The following LRRFIP1 variants were observed in gnomAD, a reference collection of about 807,000 sequenced individuals.
LRRFIP1 encodes the protein leucine-rich repeat flightless-interacting protein 1.
In LRRFIP1, 62 loss-of-function variants were observed where a neutral mutation model predicts 104.4. The ratio of observed to expected loss-of-function variants is 0.59; its 90% confidence interval spans 0.48 to 0.73. The LOEUF (loss-of-function observed/expected upper bound fraction) is 0.73. LRRFIP1 is among the 30% of genes least tolerant of loss of function. LRRFIP1 has a pLI of 0.00. For missense variants in LRRFIP1, 796 were observed against 824.5 expected, an observed-to-expected ratio of 0.97 and a Z score of 0.42; for synonymous variants, 300 against 299.0, an observed-to-expected ratio of 1.00 and a Z score of -0.03.
chr2:237,687,017 G>T (rs919106460), intron 1 of LRRFIP1, among the ~76,000 whole-genome samples: 2 of 152,230 alleles, frequency 1.3e-5, no homozygotes, highest in Non-Finnish European at 2.9e-5. Flanking sequence ...TTGAGTCCAC[G>T]TGATGACTTT....
chr2:237,714,337 TG>T (rs1199857580), intron 3 of LRRFIP1, 61 bp downstream of exon 3: 2 of 1,369,354 alleles, frequency 1.5e-6, no homozygotes, highest in African/African-American at 1.5e-5. Context: ...GCCAAGGGCC[TG>T]GTCACCTTTC....
At chr2:237,756,035 G>A (rs1176436827) in intron 15 of LRRFIP1, 60 bp from the exon 16 acceptor site, 1 of 1,132,704 alleles carries the variant, frequency 8.8e-7, no homozygotes, top group Non-Finnish European at 1.3e-6. Context: ...GTGAGAGCCT[G>A]AACTGGCATG....
chr2:237,773,599 C>T (rs1352312051), intron 22 of LRRFIP1, among the ~76,000 whole-genome samples: 4 of 152,108 alleles, frequency 2.6e-5, no homozygotes, highest in Admixed American at 2.0e-4. Context: ...CATACTGGGA[C>T]GTCCCTCTTG....
intron 1 of LRRFIP1, among the ~76,000 whole-genome samples, chr2:237,678,604 C>T (rs755991103): frequency 6.6e-6 from 1 of 152,070 alleles, no homozygotes; most frequent in Non-Finnish European, 1.5e-5. Flanking sequence ...TTCCCAGGTT[C>T]AAGCAATTCT....
chr2:237,734,952 A>C lies in LRRFIP1; in HGVS notation c.490-316A>C, dbSNP rs778396379. 1.4e-4 allele frequency among the ~76,000 whole-genome samples: 21 copies of C among 152,236 alleles called. 1 individual carries two copies. Among genetic ancestry groups the C allele is most frequent in the Non-Finnish European group, 1.9e-4 (13 of 68,042 alleles). On this transcript the variant is annotated intron_variant, in intron 9 of 23. Transcript: ENST00000308482. Reference sequence around the variant, plus strand: ...TGACAAAATTCAGGATGTTCGAATTATCTGCTCATTTTAACCTGGATTAAC... The same window carrying C: ...TGACAAAATTCAGGATGTTCGAATTCTCTGCTCATTTTAACCTGGATTAAC...
At position 237,708,083 on chromosome 2, in the gene LRRFIP1, G is replaced by A. The variant is rs1338559023; in HGVS notation, c.97-461G>A. On this transcript the variant is annotated intron_variant, in intron 1 of 23. Transcript: ENST00000308482. ...TCACTTTCTGCTCTGTAAAGCGAGG[G>A]GTTGAACTGGAAACCTGGAGTAGCA... is the stretch of plus-strand genomic sequence containing the variant. 2.6e-5 allele frequency among the ~76,000 whole-genome samples: 4 copies of A among 152,310 alleles called. No individual in the cohort carries two copies. In the East Asian group the frequency reaches 5.8e-4, roughly 22 times the overall value.
chr2:237,696,114 C>T (rs1182445782), intron 1 of LRRFIP1, among the ~76,000 whole-genome samples: 1 of 152,146 alleles, frequency 6.6e-6, no homozygotes, highest in Non-Finnish European at 1.5e-5. Flanking sequence ...AAGTAGTTTT[C>T]CCTTGAATCT....
rs892999493 is a variant in LRRFIP1, at chr2:237,714,267, G to C, written c.192G>C (p.Gln64His). 28 of 1,599,084 alleles carry C rather than the reference G, an allele frequency of 1.8e-5. No homozygotes were observed. The highest frequency in any genetic ancestry group is 2.7e-5 in the African/African-American group (2 of 74,168). ...TCTGTCCTTCTCTATAGATCTATCAGGTCCAAAAGGTAGGCTCTTCTTTCT... is the reference window on the plus strand; with the variant it reads ...TCTGTCCTTCTCTATAGATCTATCACGTCCAAAAGGTAGGCTCTTCTTTCT... ...ELERQQKEIYQVQKKYYGLDT... is the reference protein window; with the variant it reads ...ELERQQKEIYHVQKKYYGLDT... The change falls in exon 3 of 24, where the codon CAG (glutamine) becomes CAC (histidine). Residue 64 changes from glutamine to histidine, a missense_variant. Gln to His is a conservative substitution (Grantham distance 24). Transcript: ENST00000308482.
At chr2:237,775,963 T>G (rs62196064) in intron 23 of LRRFIP1, among the ~76,000 whole-genome samples, 7,782 of 152,018 alleles carry the variant, frequency 0.051, 223 homozygotes, top group Middle Eastern at 0.16. Flanking sequence ...TATTTGATTT[T>G]ATTTTATTTA....
chr2:237,772,296 C>T (rs2060710488), intron 21 of LRRFIP1, 98 bp downstream of exon 21: 1 of 844,418 alleles, frequency 1.2e-6, no homozygotes, highest in Non-Finnish European at 1.9e-6. Flanking sequence ...AGAATGCCCT[C>T]ATTCCCTCAC....
At chr2:237,758,606 C>A in intron 17 of LRRFIP1, 123 bp from the exon 18 acceptor site, 1 of 648,338 alleles carries the variant, frequency 1.5e-6, no homozygotes, top group Non-Finnish European at 2.7e-6. Flanking sequence ...GGCAGAGTCT[C>A]TTTAATGTCT....
chr2:237,636,289 T>C (rs2083097152), intron 1 of LRRFIP1, among the ~76,000 whole-genome samples: 1 of 151,062 alleles, frequency 6.6e-6, no homozygotes. Flanking sequence ...TTCTGTTCTG[T>C]CTTACAGTAA....
chr2:237,644,689 T>G (rs1427094463), intron 1 of LRRFIP1, among the ~76,000 whole-genome samples: 1 of 152,376 alleles, frequency 6.6e-6, no homozygotes, highest in Non-Finnish European at 1.5e-5. Flanking sequence ...GTTTTCCCAC[T>G]AATGTCTCTT....
chr2:237,751,897 C>T (rs2058671010), intron 14 of LRRFIP1, among the ~76,000 whole-genome samples: 2 of 152,146 alleles, frequency 1.3e-5, no homozygotes, highest in African/African-American at 4.8e-5. Flanking sequence ...TGACTGTCTT[C>T]CTTAGGCAGC....
intron 10 of LRRFIP1, among the ~76,000 whole-genome samples, chr2:237,736,998 G>A (rs750853504): frequency 6.6e-6 from 1 of 152,148 alleles, no homozygotes; most frequent in Non-Finnish European, 1.5e-5. Flanking sequence ...GAGCGGCCCC[G>A]GCGCCCAGGC....
chr2:237,763,829 A>G, intron 19 of LRRFIP1: 4 of 1,614,214 alleles, frequency 2.5e-6, no homozygotes, highest in Non-Finnish European at 3.4e-6. Flanking sequence ...AGATAATGCT[A>G]AAATAGATGG....
At chr2:237,693,243 C>A (rs750628513) in intron 1 of LRRFIP1, among the ~76,000 whole-genome samples, 1 of 152,226 alleles carries the variant, frequency 6.6e-6, no homozygotes, top group African/African-American at 2.4e-5. Context: ...AAATATAAAA[C>A]CCTAGCTTTC....
Position 237,747,714 on chromosome 2 carries a change from A to G in LRRFIP1, c.634-650A>G, listed in dbSNP as rs1306248359. On this transcript the variant is annotated intron_variant, in intron 11 of 23. Transcript: ENST00000308482. Reference sequence around the variant, plus strand: ...AATCAAAGTGAAGAAGTTCTGAGCTACGGGAAGTTGGGTTGAAGGCATGAT... The same window carrying G: ...AATCAAAGTGAAGAAGTTCTGAGCTGCGGGAAGTTGGGTTGAAGGCATGAT... Among the ~76,000 whole-genome samples the G allele has an allele frequency of 3.3e-5, 5 of 152,176 alleles. No homozygotes were observed. In the East Asian group the frequency reaches 9.6e-4, roughly 29 times the overall value.
At chr2:237,674,294 G>C (rs1485972887) in intron 1 of LRRFIP1, among the ~76,000 whole-genome samples, 1 of 152,204 alleles carries the variant, frequency 6.6e-6, no homozygotes, top group East Asian at 1.9e-4. Flanking sequence ...CAGCCCCCCA[G>C]AATCCTAGCC....
Sources: gnomAD v4.1 joint callset for allele counts (sites outside exome capture counted in the v4.1 genomes callset) on GRCh38, gnomAD v4.1.1 for gene constraint, MANE v1.5 for transcripts, NCBI Gene and HGNC (gene_info 2026-07-23, HGNC 2026-07-21) for gene names.